The following HECA variants were observed in gnomAD, a reference collection of about 807,000 sequenced individuals.
The protein encoded by HECA is headcase protein homolog.
In HECA, 13 loss-of-function variants were observed where a neutral mutation model predicts 37.6. The ratio of observed to expected loss-of-function variants is 0.35; its 90% CI spans 0.23 to 0.55. HECA has a LOEUF of 0.55. HECA is among the 20% of genes least tolerant of loss of function. The pLI is 0.90. For synonymous variants in HECA, 307 were observed against 291.5 expected (o/e 1.05, Z -0.54); for missense variants, 527 against 701.9 (o/e 0.75, Z 2.82).
chr6:139,161,482 C>T (rs1486496820), intron 1 of HECA, among the ~76,000 whole-genome samples: 1 of 152,106 alleles, frequency 6.6e-6, no homozygotes, highest in Non-Finnish European at 1.5e-5. Context: ...TGGGGCACAG[C>T]TGTGGTACCT....
intron 1 of HECA, among the ~76,000 whole-genome samples, chr6:139,156,394 G>T (rs1204625939): frequency 1.3e-5 from 2 of 152,032 alleles, no homozygotes; most frequent in Non-Finnish European, 2.9e-5. Flanking sequence ...TTTTTTGATA[G>T]AGATGAGATC....
Position 139,179,381 on chromosome 6 carries a change from G to C in HECA, c.*2276G>C, listed in dbSNP as rs958532900. ...TATACATTGCATTCAGCAAGCTCCT[G>C]AATTTAGAACTGCCGTCAGTGTAGT... On this transcript the variant is annotated 3_prime_UTR_variant, in exon 4 of 4. Transcript: ENST00000367658. 3 of 152,184 alleles carry C rather than the reference G, an allele frequency of 2.0e-5. No individual in the cohort carries two copies. Among genetic ancestry groups the C allele is most frequent in the Non-Finnish European group, 4.4e-5 (3 of 68,044 alleles). 9.4% of individuals were successfully genotyped at this position (152,184 alleles called of 1,614,324 possible).
At chr6:139,136,806 T>G (rs1239604487) in intron 1 of HECA, among the ~76,000 whole-genome samples, 1 of 152,052 alleles carries the variant, frequency 6.6e-6, no homozygotes, top group African/African-American at 2.4e-5. Flanking sequence ...GGCTAATTTT[T>G]GTTATTTTTA....
intron 1 of HECA, among the ~76,000 whole-genome samples, chr6:139,138,243 A>G (rs903974826): frequency 6.6e-6 from 1 of 152,192 alleles, no homozygotes; most frequent in Non-Finnish European, 1.5e-5. Context: ...AGATGCGTAA[A>G]TTCTCAAAAT....
intron 1 of HECA, among the ~76,000 whole-genome samples, chr6:139,146,808 G>A (rs978553847): frequency 1.3e-5 from 2 of 152,240 alleles, no homozygotes; most frequent in Non-Finnish European, 2.9e-5. Flanking sequence ...CGTTCTTACT[G>A]GGCAGTGCCT....
chr6:139,166,964 A>T lies in HECA; in HGVS notation c.952A>T (p.Arg318Ter), dbSNP rs1322140696. 6.2e-7 allele frequency: 1 copy of T among 1,614,174 alleles called. No homozygotes were observed. Among genetic ancestry groups the T allele is most frequent in the Non-Finnish European group, 8.5e-7 (1 of 1,180,020 alleles). The change falls in exon 2 of 4, where the codon AGA becomes TGA. Residue 318 changes from arginine to a stop codon, truncating the protein, a stop_gained. Transcript: ENST00000367658. LOFTEE classifies it high-confidence loss of function. ...KKAMAGGHVF[R>*]NAHFDYSPAG... Reference sequence around the variant, plus strand: ...GGCCATGGCTGGGGGCCATGTGTTCAGAAATGCCCACTTTGATTACAGCCC... The same window carrying T: ...GGCCATGGCTGGGGGCCATGTGTTCTGAAATGCCCACTTTGATTACAGCCC...
chr6:139,156,146 CG>C (rs1378388131), intron 1 of HECA, among the ~76,000 whole-genome samples: 16 of 90,728 alleles, frequency 1.8e-4, no homozygotes, highest in Non-Finnish European at 1.3e-4. Context: ...ATTTTGGTGA[CG>C]TTTGTATTAT....
chr6:139,154,263 A>C (rs965263525), intron 1 of HECA, among the ~76,000 whole-genome samples: 1 of 152,242 alleles, frequency 6.6e-6, no homozygotes, highest in Non-Finnish European at 1.5e-5. Context: ...CAATTGGTCA[A>C]ATCCATGGAT....
intron 2 of HECA, among the ~76,000 whole-genome samples, chr6:139,168,943 C>A (rs923075321): frequency 2.6e-5 from 4 of 152,094 alleles, no homozygotes; most frequent in African/African-American, 9.7e-5. Context: ...TCTGATGTTA[C>A]TCTTATTCCT....
At chr6:139,159,767 A>G (rs147684544) in intron 1 of HECA, among the ~76,000 whole-genome samples, 1 of 152,354 alleles carries the variant, frequency 6.6e-6, no homozygotes, top group South Asian at 2.1e-4. Flanking sequence ...GAATGTGACT[A>G]AGTCATCCCT....
chr6:139,174,429 G>A lies in HECA; in HGVS notation c.1357G>A (p.Gly453Arg). The change falls in exon 3 of 4, where the codon GGG becomes AGG. Residue 453 changes from glycine to arginine, a missense_variant. By Grantham distance (125) the Gly-to-Arg change is moderately radical (BLOSUM62 -2). Transcript: ENST00000367658. ...LYAVCVDCLE[G>R]VHKIICIKCK... ...TGCCGTGTGCGTGGACTGCCTGGAA[G>A]GGGTTCACAAGATCATCTGCATCAA... The A allele has an allele frequency of 6.2e-7, 1 of 1,614,044 alleles. No homozygotes were observed. The highest frequency in any genetic ancestry group is 8.5e-7 in the Non-Finnish European group (1 of 1,180,006).
chr6:139,144,072 G>C (rs1434300167), intron 1 of HECA: 2 of 152,008 alleles, frequency 1.3e-5, no homozygotes, highest in Non-Finnish European at 2.9e-5. Context: ...GATCAGCCAG[G>C]GCTTAGTGTT....
Position 139,176,991 on chromosome 6 carries a change from C to A in HECA, c.1518C>A (p.Ile506=), listed in dbSNP as rs571949782. 1.1e-6 allele frequency: 1 copy of A among 872,648 alleles called. No individual in the cohort carries two copies. Among genetic ancestry groups the A allele is most frequent in the Admixed American group, 1.7e-5 (1 of 59,172 alleles). 54.1% of individuals were successfully genotyped at this position (872,648 alleles called of 1,614,324 possible). ...HCGKPVIDVR[I]GMQYFSEYSN... is the part of the protein sequence containing the mutation. ...GGAAGCCGGTGATCGACGTGAGGATCGGGATGCAGTACTTCTCCGAATATA... is the reference window on the plus strand; with the variant it reads ...GGAAGCCGGTGATCGACGTGAGGATAGGGATGCAGTACTTCTCCGAATATA... Residue 506 remains isoleucine, a synonymous_variant, in exon 4 of 4, where the codon ATC becomes ATA. Transcript: ENST00000367658. This position sits in a 1 kb window ranked among gnomAD's most constrained non-coding sequence, Gnocchi z 4.5.
chr6:139,174,149 T>C (rs946776608), intron 2 of HECA, among the ~76,000 whole-genome samples: 2 of 152,232 alleles, frequency 1.3e-5, no homozygotes, highest in African/African-American at 4.8e-5. Context: ...AAAAGTGAAT[T>C]GAAGCCAAGT....
Position 139,174,485 on chromosome 6 carries a change from C to T in HECA, c.1413C>T (p.His471=), listed in dbSNP as rs1775023030. 1 of 1,613,498 alleles carries T rather than the reference C, an allele frequency of 6.2e-7. No individual in the cohort carries two copies. The highest frequency in any genetic ancestry group is 8.5e-7 in the Non-Finnish European group (1 of 1,179,826). ...AGTCACGGTGGGATGGCAGCTGGCA[C>T]CAGCTGGGCACTATGTACACCTACG... ...KCKSRWDGSW[H]QLGTMYTYDI... is the part of the protein sequence containing the mutation. Residue 471 remains histidine, a synonymous_variant, in exon 3 of 4, where the codon CAC becomes CAT. Transcript: ENST00000367658.
chr6:139,175,864 T>A (rs1265208935), intron 3 of HECA, among the ~76,000 whole-genome samples: 5 of 152,230 alleles, frequency 3.3e-5, no homozygotes, highest in Non-Finnish European at 1.5e-5. Context: ...TATTTCTTCC[T>A]TAAAACAATT....
At chr6:139,135,872 C>T (rs1774428437) in intron 1 of HECA, among the ~76,000 whole-genome samples, 1 of 151,668 alleles carries the variant, frequency 6.6e-6, no homozygotes. Context: ...CCGGTGTCCG[C>T]GCGGGGGGCA....
chr6:139,166,974 A>G lies in HECA; in HGVS notation c.962A>G (p.His321Arg), dbSNP rs1774897620. The G allele has an allele frequency of 1.9e-6, 3 of 1,614,174 alleles. No individual in the cohort carries two copies. The highest frequency in any genetic ancestry group is 2.7e-5 in the African/African-American group (2 of 75,052). The change falls in exon 2 of 4, where the codon CAC becomes CGC. Residue 321 changes from histidine to arginine, a missense_variant. This residue lies in a region of HECA where 228 missense variants were observed against 259.8 expected (regional missense o/e 0.88). Transcript: ENST00000367658. The part of the protein sequence containing the change: ...MAGGHVFRNA[H>R]FDYSPAGLAV... ...GGGGGCCATGTGTTCAGAAATGCCC[A>G]CTTTGATTACAGCCCTGCGGGGTTG...
At chr6:139,171,723 C>G (rs1163424181) in intron 2 of HECA, among the ~76,000 whole-genome samples, 1 of 152,150 alleles carries the variant, frequency 6.6e-6, no homozygotes, top group African/African-American at 2.4e-5. Flanking sequence ...GACTGCTGAG[C>G]TCAAGCAGTC....
Sources: gnomAD v4.1 joint callset for allele counts (sites outside exome capture counted in the v4.1 genomes callset) on GRCh38, gnomAD v4.1.1 for gene constraint, gnomAD v4.1.1 regional missense constraint, Gnocchi (gnomAD v3.1) non-coding constraint, MANE v1.5 for transcripts, NCBI Gene and HGNC (gene_info 2026-07-23, HGNC 2026-07-21) for gene names.